Variants in SMARCC1 observed in about 807,000 individuals in gnomAD.
SMARCC1 encodes SWI/SNF complex subunit SMARCC1.
In SMARCC1, 43 loss-of-function variants were observed where a neutral mutation model predicts 147.4. That is an observed-to-expected ratio of 0.29 (90% confidence interval 0.23 to 0.38). The LOEUF is 0.38. Ranked by LOEUF, SMARCC1 falls within the 10% of genes least tolerant of loss-of-function variation. SMARCC1 has a pLI of 1.00. For missense variants in SMARCC1, 1,119 were observed against 1,381.1 expected (o/e 0.81, Z 3.01); for synonymous variants, 495 against 484.4 (o/e 1.02, Z -0.29).
chr3:47,650,428 G>GT (rs1179192522), intron 21 of SMARCC1, among the ~76,000 whole-genome samples: 2 of 151,844 alleles, frequency 1.3e-5, no homozygotes, highest in Non-Finnish European at 2.9e-5. Context: ...AATGTTTGCT[G>GT]TAAGTAAACA....
At chr3:47,712,604 C>A (rs573897236) in intron 8 of SMARCC1, among the ~76,000 whole-genome samples, 5 of 151,942 alleles carry the variant, frequency 3.3e-5, no homozygotes, top group African/African-American at 1.2e-4. Flanking sequence ...TGAAATAATG[C>A]GGGTATTATA....
chr3:47,623,134 CTT>C (rs763911271), intron 24 of SMARCC1, among the ~76,000 whole-genome samples: 34 of 67,458 alleles, frequency 5.0e-4, no homozygotes, highest in Non-Finnish European at 7.6e-4. Context: ...CTACACAAGG[CTT>C]TTTTTTTTTT....
intron 18 of SMARCC1, among the ~76,000 whole-genome samples, chr3:47,672,997 T>C (rs1273148968): frequency 6.6e-6 from 1 of 151,960 alleles, no homozygotes; most frequent in South Asian, 2.1e-4. Flanking sequence ...GCCCAGCCCG[T>C]TTCCTCTCTT....
intron 13 of SMARCC1, 94 bp downstream of exon 13, chr3:47,689,293 A>AAAAATTGGGTT: frequency 9.5e-7 from 1 of 1,050,738 alleles, no homozygotes; most frequent in African/African-American, 1.6e-5. Context: ...TTCATAGTCC[A>AAAAATTGGGTT]AAAATTGGGT....
At chr3:47,595,311 G>A (rs1479844676) in intron 26 of SMARCC1, among the ~76,000 whole-genome samples, 1 of 152,158 alleles carries the variant, frequency 6.6e-6, no homozygotes, top group African/African-American at 2.4e-5. Context: ...GATCACCTGA[G>A]GTCAGGAGTT....
chr3:47,635,337 CT>C lies in SMARCC1; in HGVS notation c.2498del (p.Lys833ArgfsTer25). The C allele has an allele frequency of 6.2e-7, 1 of 1,611,516 alleles. No individual in the cohort carries two copies. Among genetic ancestry groups the C allele is most frequent in the Middle Eastern group, 1.9e-4 (1 of 5,178 alleles). On this transcript the variant is annotated frameshift_variant, in exon 24 of 28. Coordinates refer to ENST00000254480, the MANE Select transcript of SMARCC1 (RefSeq NM_003074.4). LOFTEE classifies it high-confidence loss of function. ...EVSEDTKSEEKETEENKELTD... is the reference protein window; with the variant it reads ...EVSEDTKSEEXETEENKELTD... ...TGAGTTCTTTGTTCTCTTCAGTCTC[CT>C]TTTCTTCTGAAAATATCAGAAAGCT...
intron 11 of SMARCC1, among the ~76,000 whole-genome samples, 166 bp downstream of exon 11, chr3:47,701,112 T>C (rs1414772844): frequency 1.3e-5 from 2 of 152,196 alleles, no homozygotes; most frequent in Non-Finnish European, 2.9e-5. Context: ...AGAGTAAAAC[T>C]ACTCAAATGA....
chr3:47,622,411 A>G (rs535019779), intron 24 of SMARCC1, 70 bp from the exon 25 acceptor site: 2 of 1,415,870 alleles, frequency 1.4e-6, no homozygotes, highest in Non-Finnish European at 2.0e-6. Flanking sequence ...AAATGCTGAC[A>G]ATATTCAAAG....
At position 47,745,960 on chromosome 3, in the gene SMARCC1, C is replaced by A; in HGVS notation, c.349G>T (p.Ala117Ser). 6.3e-7 allele frequency: 1 copy of A among 1,585,564 alleles called. No individual in the cohort carries two copies. Among genetic ancestry groups the A allele is most frequent in the South Asian group, 1.2e-5 (1 of 84,228 alleles). ...GCAGCCCCAAGAATGTGACATAAGGCGCCTCCAGCTTTGAAATCCATGAAA... is the reference window on the plus strand; with the variant it reads ...GCAGCCCCAAGAATGTGACATAAGGAGCCTCCAGCTTTGAAATCCATGAAA... ...KCFMDFKAGG[A>S]LCHILGAAYK... is the part of the protein sequence containing the mutation. The change falls in exon 3 of 28, where the codon GCC (alanine) becomes TCC (serine). Residue 117 changes from alanine (A) to serine (S), a missense_variant. By Grantham distance (99) the Ala-to-Ser change is moderately conservative (BLOSUM62 1). This residue lies in a region of SMARCC1 where 542 missense variants were observed against 611.8 expected (regional missense o/e 0.89). Coordinates refer to ENST00000254480, the MANE Select transcript of SMARCC1 (RefSeq NM_003074.4).
Position 47,676,634 on chromosome 3 carries a change from G to A in SMARCC1, c.1720C>T (p.Pro574Ser), listed in dbSNP as rs2033577693. ...AAAAGTCAACATTAATTTACCTGAG[G>A]TGATCGAAGATGCAGAGGCACAAGC... ...SGLVPLHLRS[P>S]QVPAAQQMLN... The change falls in exon 17 of 28, where the codon CCT becomes TCT. Residue 574 changes from proline to serine, a missense_variant. Coordinates refer to ENST00000254480, the MANE Select transcript of SMARCC1 (RefSeq NM_003074.4). 1 of 1,613,544 alleles carries A rather than the reference G, an allele frequency of 6.2e-7. No individual in the cohort carries two copies. Among genetic ancestry groups the A allele is most frequent in the Non-Finnish European group, 8.5e-7 (1 of 1,179,630 alleles).
intron 11 of SMARCC1, among the ~76,000 whole-genome samples, chr3:47,698,107 C>A (rs2033875707): frequency 7.9e-6 from 1 of 126,056 alleles, no homozygotes; most frequent in Non-Finnish European, 1.7e-5. Context: ...ATAGCCAACA[C>A]ATTAAAAAAA....
At chr3:47,753,757 T>TAA (rs2034656540) in intron 2 of SMARCC1, among the ~76,000 whole-genome samples, 1 of 143,154 alleles carries the variant, frequency 7.0e-6, no homozygotes, top group Non-Finnish European at 1.5e-5. Context: ...TAACAATTGG[T>TAA]AAAAAGAAAC....
chr3:47,612,764 A>G (rs991448898), intron 25 of SMARCC1, among the ~76,000 whole-genome samples: 1 of 152,216 alleles, frequency 6.6e-6, no homozygotes, highest in Admixed American at 6.5e-5. Context: ...ATTAGAAAGG[A>G]TAAGTGATTA....
At chr3:47,633,799 CACACACACACACACACACAT>C (rs1341647801) in intron 24 of SMARCC1, among the ~76,000 whole-genome samples, 2 of 32,068 alleles carry the variant, frequency 6.2e-5, no homozygotes, top group South Asian at 9.1e-4. Flanking sequence ...CACACACACA[CACACACACACACACACACAT>C]ATATATAAAA....
At chr3:47,638,590 C>A in intron 22 of SMARCC1, 135 bp downstream of exon 22, 1 of 694,624 alleles carries the variant, frequency 1.4e-6, no homozygotes, top group South Asian at 1.7e-5. Context: ...GAGAACTATA[C>A]CTTAAACCAG....
At chr3:47,671,714 T>C (rs1001892196) in intron 18 of SMARCC1, among the ~76,000 whole-genome samples, 7 of 152,248 alleles carry the variant, frequency 4.6e-5, no homozygotes, top group African/African-American at 1.7e-4. Context: ...ATTTGTAGTA[T>C]AGCTGATACT....
At chr3:47,627,983 A>T (rs1234261652) in intron 24 of SMARCC1, among the ~76,000 whole-genome samples, 1 of 152,100 alleles carries the variant, frequency 6.6e-6, no homozygotes, top group African/African-American at 2.4e-5. Flanking sequence ...TCAGCTTCCC[A>T]AAGTGCTGGG....
chr3:47,736,236 ATT>A, intron 4 of SMARCC1, 110 bp from the exon 5 acceptor site: 1 of 608,398 alleles, frequency 1.6e-6, no homozygotes, highest in Non-Finnish European at 2.9e-6. Flanking sequence ...CACAAAAAAT[ATT>A]GAGAAGCATG....
chr3:47,724,771 C>T (rs547566478), intron 6 of SMARCC1, among the ~76,000 whole-genome samples: 2 of 152,246 alleles, frequency 1.3e-5, no homozygotes, highest in South Asian at 4.1e-4. Context: ...ATCTCTTGCA[C>T]GTGACTGTGC....
Sources: gnomAD v4.1 joint callset for allele counts (sites outside exome capture counted in the v4.1 genomes callset) on GRCh38, gnomAD v4.1.1 for gene constraint, gnomAD v4.1.1 regional missense constraint, MANE v1.5 for transcripts, NCBI Gene and HGNC (gene_info 2026-07-23, HGNC 2026-07-21) for gene names.